Variants in USH2A observed in about 807,000 individuals in gnomAD.
The protein encoded by USH2A is usherin.
A neutral mutation model predicts 538.9 loss-of-function variants in USH2A; 443 were observed. That is an observed-to-expected ratio of 0.82 (90% CI 0.76 to 0.89). The LOEUF (loss-of-function observed/expected upper bound fraction) is 0.89. USH2A is among the 40% of genes least tolerant of loss of function. The pLI is 0.00. For synonymous variants in USH2A, 2,413 were observed against 2,273.5 expected (o/e 1.06, Z -1.75); for missense variants, 6,633 against 6,324.8 (o/e 1.05, Z -1.65).
intron 37 of USH2A, among the ~76,000 whole-genome samples, chr1:215,953,818 A>G (rs1265490594): frequency 6.6e-6 from 1 of 151,928 alleles, no homozygotes; most frequent in African/African-American, 2.4e-5. Flanking sequence ...TACTCATCTG[A>G]CAAAGGGCTA....
At chr1:216,032,528 C>G (rs1669151763) in intron 32 of USH2A, among the ~76,000 whole-genome samples, 1 of 152,078 alleles carries the variant, frequency 6.6e-6, no homozygotes, top group Non-Finnish European at 1.5e-5. Context: ...ACAATTTTCC[C>G]CCTTTGAGTG....
chr1:216,258,809 A>C (rs1448453937), intron 11 of USH2A, among the ~76,000 whole-genome samples: 1 of 152,110 alleles, frequency 6.6e-6, no homozygotes, highest in African/African-American at 2.4e-5. Context: ...CACAATGTTC[A>C]GTCAAAGTAA....
intron 32 of USH2A, among the ~76,000 whole-genome samples, chr1:216,010,847 A>G (rs1295950094): frequency 6.6e-6 from 1 of 151,600 alleles, no homozygotes; most frequent in Non-Finnish European, 1.5e-5. Context: ...TCCCAATCCA[A>G]AGCCTCCTTT....
At chr1:216,350,101 G>A (rs912163482) in intron 4 of USH2A, among the ~76,000 whole-genome samples, 11 of 152,028 alleles carry the variant, frequency 7.2e-5, no homozygotes, top group Non-Finnish European at 2.9e-5. Context: ...GAGCAAAGTG[G>A]GAGGAGGTGC....
chr1:215,930,120 A>G (rs2102495807), intron 38 of USH2A, among the ~76,000 whole-genome samples: 1 of 152,150 alleles, frequency 6.6e-6, no homozygotes, highest in East Asian at 1.9e-4. Flanking sequence ...ACAAATGACA[A>G]ATTATTTACT....
intron 46 of USH2A, among the ~76,000 whole-genome samples, chr1:215,842,197 T>C (rs1369638885): frequency 2.0e-5 from 3 of 152,000 alleles, no homozygotes; most frequent in Admixed American, 6.6e-5. Flanking sequence ...GGTGTGGTGG[T>C]GGGCACCTGG....
rs111927891 is a variant in USH2A, at chr1:216,188,858, A to G, written c.4396+1365T>C. The stretch of plus-strand genomic sequence containing the variant: ...GCTTGGGATCCCTATGTCCCCTACT[A>G]TAACACACCCAGTCTTCACCCTCCG... On this transcript the variant is annotated intron_variant, in intron 20 of 71. Coordinates refer to ENST00000307340, the MANE Select transcript of USH2A (RefSeq NM_206933.4). 3.6e-3 allele frequency among the ~76,000 whole-genome samples: 552 copies of G among 152,010 alleles called. 3 individuals are homozygous for G. The highest frequency in any genetic ancestry group is 0.01 in the Middle Eastern group (3 of 294).
At chr1:215,886,982 C>T (rs544151101) in intron 41 of USH2A, among the ~76,000 whole-genome samples, 1 of 152,144 alleles carries the variant, frequency 6.6e-6, no homozygotes, top group South Asian at 2.1e-4. Flanking sequence ...CTCAGCCTCC[C>T]GAGTAGCTGG....
At chr1:215,708,548 T>C (rs1490661550) in intron 61 of USH2A, among the ~76,000 whole-genome samples, 1 of 151,438 alleles carries the variant, frequency 6.6e-6, no homozygotes, top group Non-Finnish European at 1.5e-5. Context: ...AAGGGGGAGG[T>C]GGGGATGGTT....
In USH2A at chr1:216,355,158, A is replaced by G. The variant is rs541680517; in HGVS notation, c.784+9795T>C. Among the ~76,000 whole-genome samples the G allele has an allele frequency of 1.9e-4, 29 of 151,598 alleles. No homozygotes were observed. In the South Asian group the frequency reaches 4.6e-3, roughly 24 times the overall value. On this transcript the variant is annotated intron_variant, in intron 4 of 71. Coordinates refer to ENST00000307340, the MANE Select transcript of USH2A (RefSeq NM_206933.4). The stretch of plus-strand genomic sequence containing the variant: ...CACGGTCTCTACTGAAAATACAAAA[A>G]TTGGCATGGTGGCATACACCTGTAA...
intron 18 of USH2A, 145 bp downstream of exon 18, chr1:216,198,170 C>T: frequency 8.4e-7 from 1 of 1,196,818 alleles, no homozygotes; most frequent in African/African-American, 1.5e-5. Flanking sequence ...TGTAACAAAT[C>T]CATATATATG....
chr1:216,206,318 G>A (rs567341321), intron 16 of USH2A, among the ~76,000 whole-genome samples: 2 of 152,124 alleles, frequency 1.3e-5, no homozygotes, highest in East Asian at 3.9e-4. Flanking sequence ...TGGCCCCAGG[G>A]ACTGGTTTCA....
chr1:215,917,983 C>CT (rs979358514), intron 38 of USH2A, among the ~76,000 whole-genome samples: 13 of 151,534 alleles, frequency 8.6e-5, no homozygotes, highest in African/African-American at 3.1e-4. Context: ...CAAAAAATGA[C>CT]TGAGGTCGTG....
intron 21 of USH2A, among the ~76,000 whole-genome samples, chr1:216,168,450 C>G (rs943333202): frequency 6.6e-6 from 1 of 152,128 alleles, no homozygotes; most frequent in South Asian, 2.1e-4. Flanking sequence ...CTAAATAACT[C>G]TATCTTACTT....
chr1:216,198,516 T>G lies in USH2A; in HGVS notation c.3880A>C (p.Ser1294Arg), dbSNP rs1205916137. 6.2e-7 allele frequency: 1 copy of G among 1,613,962 alleles called. No individual in the cohort carries two copies. Among genetic ancestry groups the G allele is most frequent in the Non-Finnish European group, 8.5e-7 (1 of 1,179,952 alleles). The change falls in exon 18 of 72, where the codon AGT becomes CGT. Residue 1294 changes from serine to arginine, a missense_variant. Physicochemically the swap from Ser to Arg is moderately radical, Grantham distance 110. Transcript: ENST00000307340. ...CAACCACTGCTCTGAAAAACTCGAC[T>G]TTCCTCAGATGTGGTTTCTTTAGTA... ...RSTKETTSEE[S>R]RVFQSSGWLS...
At chr1:215,760,234 CCTT>C (rs1405327683) in intron 56 of USH2A, among the ~76,000 whole-genome samples, 1 of 151,968 alleles carries the variant, frequency 6.6e-6, no homozygotes, top group African/African-American at 2.4e-5. Flanking sequence ...GTGCACTTTC[CCTT>C]CTTCTTGCAC....
At chr1:215,926,265 T>C (rs1666236027) in intron 38 of USH2A, among the ~76,000 whole-genome samples, 1 of 149,352 alleles carries the variant, frequency 6.7e-6, no homozygotes, top group African/African-American at 2.5e-5. Context: ...TTGATAGTGC[T>C]ACCCACACAT....
At chr1:215,679,958 T>C (rs933706560) in intron 62 of USH2A, among the ~76,000 whole-genome samples, 191 bp downstream of exon 62, 1 of 152,178 alleles carries the variant, frequency 6.6e-6, no homozygotes, top group African/African-American at 2.4e-5. Flanking sequence ...TAGCTCAGTG[T>C]TGGGTTATAG....
At chr1:216,345,878 C>T (rs2038167283) in intron 4 of USH2A, among the ~76,000 whole-genome samples, 1 of 152,060 alleles carries the variant, frequency 6.6e-6, no homozygotes, top group South Asian at 2.1e-4. Flanking sequence ...GTTAGCTCTA[C>T]AAAATTATCT....
Sources: gnomAD v4.1 joint callset for allele counts (sites outside exome capture counted in the v4.1 genomes callset) on GRCh38, gnomAD v4.1.1 for gene constraint, MANE v1.5 for transcripts, NCBI Gene and HGNC (gene_info 2026-07-23, HGNC 2026-07-21) for gene names.